RHEB: variants seen among roughly 807,000 people sequenced by gnomAD.
RHEB encodes GTP-binding protein Rheb.
A neutral mutation model predicts 28.8 loss-of-function variants in RHEB; 2 were observed. The observed-to-expected ratio is 0.07, with a 90% CI of 0.03 to 0.22. The LOEUF is 0.22. RHEB is among the 10% of genes least tolerant of loss of function. The pLI, the probability that RHEB is intolerant of heterozygous loss-of-function variation, is 1.00. For missense variants in RHEB, 76 were observed against 219.9 expected, an observed-to-expected ratio of 0.35 and a Z score of 4.14; for synonymous variants, 69 against 77.3, an observed-to-expected ratio of 0.89 and a Z score of 0.56.
At chr7:151,517,155 G>A (rs1351896836) in intron 1 of RHEB, among the ~76,000 whole-genome samples, 1 of 152,184 alleles carries the variant, frequency 6.6e-6, no homozygotes, top group African/African-American at 2.4e-5. Context: ...CCTGAGGTCA[G>A]GCGTTTGAGA....
At chr7:151,470,213 T>A (rs2150919938) in intron 7 of RHEB, 1 of 155,982 alleles carries the variant, frequency 6.4e-6, no homozygotes, top group Admixed American at 6.5e-5. Flanking sequence ...GGTGGGTAGT[T>A]ACAAAATTAG....
At chr7:151,489,146 T>C (rs575736024) in intron 2 of RHEB, among the ~76,000 whole-genome samples, 13 of 152,346 alleles carry the variant, frequency 8.5e-5, no homozygotes, top group African/African-American at 2.9e-4. Context: ...TATCCACTTT[T>C]AGAGGCAGAG....
intron 1 of RHEB, among the ~76,000 whole-genome samples, chr7:151,494,248 C>G (rs932850407): frequency 6.6e-6 from 1 of 152,158 alleles, no homozygotes; most frequent in Non-Finnish European, 1.5e-5. Flanking sequence ...GATAAGCTCC[C>G]CAAGCACTGG....
chr7:151,490,404 A>G (rs576734658), intron 2 of RHEB, among the ~76,000 whole-genome samples: 1 of 152,374 alleles, frequency 6.6e-6, no homozygotes, highest in African/African-American at 2.4e-5. Context: ...TTTTTTCTGC[A>G]CATGGCCTAA....
At chr7:151,471,268 C>T (rs1385985998) in intron 6 of RHEB, 126 bp downstream of exon 6, 97 of 674,552 alleles carry the variant, frequency 1.4e-4, no homozygotes, top group Non-Finnish European at 1.7e-4. Context: ...CTGCTGCACA[C>T]GACCATAACA....
At chr7:151,479,404 C>T (rs751664031) in intron 3 of RHEB, among the ~76,000 whole-genome samples, 1 of 151,874 alleles carries the variant, frequency 6.6e-6, no homozygotes, top group Non-Finnish European at 1.5e-5. Context: ...TTAATAAGGC[C>T]GGGCACAATG....
chr7:151,486,896 G>T (rs1471725683), intron 2 of RHEB, among the ~76,000 whole-genome samples: 5 of 152,176 alleles, frequency 3.3e-5, no homozygotes, highest in Non-Finnish European at 7.3e-5. Context: ...TCTGTAAGTT[G>T]CCACTTACAG....
intron 1 of RHEB, among the ~76,000 whole-genome samples, chr7:151,491,429 G>A (rs1272554328): frequency 6.6e-6 from 1 of 152,168 alleles, no homozygotes; most frequent in East Asian, 1.9e-4. Flanking sequence ...GTGTTACCAA[G>A]TACAGCTTTT....
In RHEB at chr7:151,467,293, C is replaced by T. The variant is rs1040522918; in HGVS notation, c.463-82G>A. The T allele has an allele frequency of 1.6e-4, 162 of 1,020,748 alleles. 3 individuals are homozygous for T. The highest frequency in any genetic ancestry group is 1.4e-3 in the Admixed American group (74 of 53,018). The allele number at this position is 1,020,748 out of a possible 1,614,324, so 63.2% of individuals were successfully genotyped here. A position where few individuals can be genotyped will look rare whatever the true frequency, so the allele number is the denominator to read the frequency against. ...ATTTTACGGACTGAGGAGGGCGTGCCGCCTGCCCTGCCCTCCTACTGGTGG... is the reference window on the plus strand; with the variant it reads ...ATTTTACGGACTGAGGAGGGCGTGCTGCCTGCCCTGCCCTCCTACTGGTGG... On this transcript the variant is annotated intron_variant, in intron 7 of 7. Coordinates refer to ENST00000262187, the MANE Select transcript of RHEB (RefSeq NM_005614.4).
intron 4 of RHEB, among the ~76,000 whole-genome samples, chr7:151,473,507 T>G (rs1802204434): frequency 6.6e-6 from 1 of 152,230 alleles, no homozygotes; most frequent in Admixed American, 6.5e-5. Flanking sequence ...AAATGTGTAC[T>G]GTTCTAAGTG....
At chr7:151,496,760 T>C (rs1351576517) in intron 1 of RHEB, among the ~76,000 whole-genome samples, 1 of 152,010 alleles carries the variant, frequency 6.6e-6, no homozygotes, top group East Asian at 1.9e-4. Flanking sequence ...TCAACAAACC[T>C]CTATGACTTT....
intron 1 of RHEB, among the ~76,000 whole-genome samples, chr7:151,510,642 T>C (rs1274404783): frequency 1.3e-5 from 2 of 152,220 alleles, no homozygotes; most frequent in African/African-American, 4.8e-5. Context: ...GAGCATTTAT[T>C]CAAATGCTTA....
intron 1 of RHEB, among the ~76,000 whole-genome samples, chr7:151,494,017 G>A (rs970324380): frequency 1.3e-5 from 2 of 152,148 alleles, no homozygotes; most frequent in African/African-American, 4.8e-5. Flanking sequence ...GGACTCCAGT[G>A]GGCTTTTTAT....
chr7:151,495,758 C>T (rs1267488438), intron 1 of RHEB, among the ~76,000 whole-genome samples: 1 of 152,152 alleles, frequency 6.6e-6, no homozygotes, highest in Non-Finnish European at 1.5e-5. Context: ...TGAGACCAGC[C>T]TGGACAACGT....
intron 2 of RHEB, among the ~76,000 whole-genome samples, chr7:151,485,044 GACAAAGTACGCA>G (rs1802444280): frequency 6.6e-6 from 1 of 152,192 alleles, no homozygotes; most frequent in Non-Finnish European, 1.5e-5. Flanking sequence ...TTTTCAAAGA[GACAAAGTACGCA>G]ACAATTCATA....
chr7:151,512,316 A>G (rs534396152), intron 1 of RHEB, among the ~76,000 whole-genome samples: 3 of 152,320 alleles, frequency 2.0e-5, no homozygotes, highest in Admixed American at 2.0e-4. Context: ...TAGAGGTGGC[A>G]GTGTCTCATT....
At chr7:151,514,374 G>A (rs1445996904) in intron 1 of RHEB, among the ~76,000 whole-genome samples, 4 of 151,456 alleles carry the variant, frequency 2.6e-5, no homozygotes, top group Non-Finnish European at 5.9e-5. Flanking sequence ...TAGATATATC[G>A]GCCTTCAAAT....
intron 1 of RHEB, chr7:151,498,252 T>C: frequency 1.3e-6 from 1 of 756,342 alleles, no homozygotes; most frequent in Non-Finnish European, 2.0e-6. Flanking sequence ...GAGAAGCAGC[T>C]CTCTAACTTT....
chr7:151,478,521 T>G (rs944204886), intron 3 of RHEB, among the ~76,000 whole-genome samples: 2 of 152,200 alleles, frequency 1.3e-5, no homozygotes, highest in Middle Eastern at 3.2e-3. Context: ...AAATTCTGTT[T>G]TCCCTAAAGG....
Sources: allele counts gnomAD v4.1 joint callset (sites outside exome capture counted in the v4.1 genomes callset), GRCh38; gene constraint gnomAD v4.1.1; transcripts MANE v1.5; gene names NCBI Gene and HGNC (gene_info 2026-07-23, HGNC 2026-07-21).